ZNF407: variants seen among roughly 807,000 people sequenced by gnomAD.
ZNF407 encodes zinc finger protein 407.
Under a neutral mutation model 131.2 loss-of-function variants are expected in ZNF407, and 17 were observed. The ratio of observed to expected loss-of-function variants is 0.13; its 90% confidence interval spans 0.09 to 0.19. The LOEUF is 0.19. Ranked by LOEUF, ZNF407 falls within the 10% of genes least tolerant of loss-of-function variation. The probability of loss-of-function intolerance (pLI) is 1.00; values close to 1 mark genes in which losing one functional copy is unlikely to be tolerated. For missense variants in ZNF407, 2,681 were observed against 2,830.6 expected (o/e 0.95, Z 1.20); for synonymous variants, 1,156 against 1,062.0 (o/e 1.09, Z -1.72).
Position 74,881,037 on chromosome 18 carries a change from C to T in ZNF407, c.5046C>T (p.Gly1682=), listed in dbSNP as rs761133500. The change falls in exon 6 of 9, where the codon GGC becomes GGT. Residue 1682 remains glycine (G), a splice_region_variant and synonymous_variant. Coordinates refer to ENST00000299687, the MANE Select transcript of ZNF407 (RefSeq NM_017757.3). The part of the protein sequence containing the change: ...AMKDHYRTHT[G]EKSFLCDLCG... ...CTCATCTGTTTGTTGTTGCAACAGG[C>T]GAGAAGTCGTTTCTGTGTGACCTCT... 27 of 1,587,870 alleles carry T rather than the reference C, an allele frequency of 1.7e-5. No individual in the cohort carries two copies. The highest frequency in any genetic ancestry group is 1.3e-4 in the South Asian group (11 of 87,350).
At chr18:74,872,710 C>T (rs1366198576) in intron 4 of ZNF407, among the ~76,000 whole-genome samples, 5 of 145,830 alleles carry the variant, frequency 3.4e-5, no homozygotes, top group Admixed American at 1.4e-4. Flanking sequence ...GAGCTGAGAT[C>T]GGGCCACTCT....
intron 3 of ZNF407, among the ~76,000 whole-genome samples, chr18:74,672,678 A>T (rs974846903): frequency 1.3e-5 from 2 of 149,308 alleles, no homozygotes; most frequent in Non-Finnish European, 1.5e-5. Context: ...CACTGTTTTT[A>T]TCTGCTCATC....
At chr18:74,827,835 C>T (rs1170341698) in intron 4 of ZNF407, among the ~76,000 whole-genome samples, 1 of 152,204 alleles carries the variant, frequency 6.6e-6, no homozygotes, top group Non-Finnish European at 1.5e-5. Flanking sequence ...CATTAGGTCA[C>T]ACTAATACCA....
Position 75,063,304 on chromosome 18 carries a change from G to C in ZNF407, c.5583G>C (p.Glu1861Asp). The change falls in exon 9 of 9, where the codon GAG (glutamate) becomes GAC (aspartate). Residue 1861 changes from glutamate to aspartate, a missense_variant. This residue lies in a region of ZNF407 where 620 missense variants were observed against 583.1 expected (regional missense o/e 1.06). Transcript: ENST00000299687. The surrounding 1 kb of genome is among the most constrained non-coding windows in gnomAD (Gnocchi z 6.6). ...GCAGGAGGCCAGCGCCGCCCCCTGA[G>C]CAGGTGCAGCAGGTCATCATCTTCC... is the stretch of plus-strand genomic sequence containing the variant. ...RSSRRPAPPP[E>D]QVQQVIIFQG... 1 of 1,613,676 alleles carries C rather than the reference G, an allele frequency of 6.2e-7. No homozygotes were observed.
intron 8 of ZNF407, among the ~76,000 whole-genome samples, chr18:74,997,396 G>C (rs1039777609): frequency 3.3e-5 from 5 of 152,248 alleles, no homozygotes; most frequent in African/African-American, 1.2e-4. Flanking sequence ...TCCTGACAAA[G>C]TTACTGGGCC....
intron 3 of ZNF407, among the ~76,000 whole-genome samples, chr18:74,734,671 TTGTGTGTGTGTGTGTG>T (rs200073035): frequency 2.2e-5 from 3 of 138,880 alleles, no homozygotes; most frequent in African/African-American, 5.5e-5. Context: ...GAGTTTCAAT[TTGTGTGTGTGTGTGTG>T]TGTGTGTGTG....
In ZNF407 at chr18:74,631,830, C is replaced by T. The variant is rs778710668; in HGVS notation, c.811C>T (p.Arg271Cys). The change falls in exon 2 of 9, where the codon CGT becomes TGT. Residue 271 changes from arginine to cysteine, a missense_variant. By Grantham distance (180) the Arg-to-Cys change is radical. Transcript: ENST00000299687. ...TTATCTTGGCAAAACACATCTCCGT[C>T]GTCAGAATCTGGCTGCTCGTGGAGG... The part of the protein sequence containing the change: ...AHYLGKTHLR[R>C]QNLAARGGFV... The T allele has an allele frequency of 2.7e-5, 44 of 1,614,018 alleles. No individual in the cohort carries two copies. The highest frequency in any genetic ancestry group is 1.2e-4 in the South Asian group (11 of 91,078).
At chr18:74,926,467 C>G (rs1260339256) in intron 8 of ZNF407, among the ~76,000 whole-genome samples, 4 of 152,168 alleles carry the variant, frequency 2.6e-5, no homozygotes, top group Non-Finnish European at 5.9e-5. Context: ...GAATAATATA[C>G]TGAAAGAGGG....
At chr18:74,949,528 C>A (rs985072010) in intron 8 of ZNF407, among the ~76,000 whole-genome samples, 2 of 152,156 alleles carry the variant, frequency 1.3e-5, no homozygotes, top group Admixed American at 1.3e-4. Context: ...AAAGCAAAAT[C>A]CCTGTTACTG....
At chr18:74,835,629 G>GGGGTGTGTGT (rs1269272236) in intron 4 of ZNF407, among the ~76,000 whole-genome samples, 1 of 92,144 alleles carries the variant, frequency 1.1e-5, no homozygotes, top group African/African-American at 5.8e-5. Context: ...GACAGAGGGG[G>GGGGTGTGTGT]GTGTGTGTGT....
intron 3 of ZNF407, among the ~76,000 whole-genome samples, chr18:74,641,731 G>T (rs188193274): frequency 6.6e-6 from 1 of 152,246 alleles, no homozygotes; most frequent in African/African-American, 2.4e-5. Flanking sequence ...GTGTTGCATT[G>T]GATAGAAAGT....
intron 3 of ZNF407, among the ~76,000 whole-genome samples, chr18:74,767,350 C>G (rs180924834): frequency 6.6e-6 from 1 of 152,022 alleles, no homozygotes; most frequent in Non-Finnish European, 1.5e-5. Flanking sequence ...GCCAATGTTG[C>G]GGTAATTGAT....
intron 3 of ZNF407, among the ~76,000 whole-genome samples, chr18:74,713,006 T>C (rs1318276923): frequency 6.6e-6 from 1 of 152,216 alleles, no homozygotes; most frequent in Non-Finnish European, 1.5e-5. Flanking sequence ...CATTCCCTTT[T>C]AAGTAGCAAG....
chr18:74,826,788 A>G (rs1005301888), intron 4 of ZNF407, among the ~76,000 whole-genome samples: 19 of 152,182 alleles, frequency 1.2e-4, no homozygotes, highest in Admixed American at 4.6e-4. Context: ...ATGAGGGTTA[A>G]CGTACAGTAA....
At chr18:74,717,971 A>G (rs1221449062) in intron 3 of ZNF407, among the ~76,000 whole-genome samples, 1 of 152,128 alleles carries the variant, frequency 6.6e-6, no homozygotes, top group Non-Finnish European at 1.5e-5. Context: ...GTTAAATTTT[A>G]TTTTAATTTT....
intron 8 of ZNF407, among the ~76,000 whole-genome samples, chr18:74,940,483 A>G (rs1972084559): frequency 6.6e-6 from 1 of 152,050 alleles, no homozygotes; most frequent in South Asian, 2.1e-4. Flanking sequence ...AGCTAGAGGG[A>G]GGGAGACACC....
chr18:74,976,029 A>G (rs1395816899), intron 8 of ZNF407, among the ~76,000 whole-genome samples: 1 of 152,208 alleles, frequency 6.6e-6, no homozygotes, highest in African/African-American at 2.4e-5. Context: ...AATATTTCCC[A>G]TGTAAATGTA....
chr18:74,998,534 G>A (rs992064703), intron 8 of ZNF407, among the ~76,000 whole-genome samples: 2 of 151,762 alleles, frequency 1.3e-5, no homozygotes, highest in Non-Finnish European at 2.9e-5. Context: ...TTCAATTAAC[G>A]AAGGACATGA....
At chr18:74,861,947 GATTA>G (rs888440033) in intron 4 of ZNF407, among the ~76,000 whole-genome samples, 11 of 152,074 alleles carry the variant, frequency 7.2e-5, no homozygotes, top group African/African-American at 2.7e-4. Flanking sequence ...TAGAGTTACA[GATTA>G]ATTCAGTGTT....
Sources: gnomAD v4.1 joint callset for allele counts (sites outside exome capture counted in the v4.1 genomes callset) on GRCh38, gnomAD v4.1.1 for gene constraint, gnomAD v4.1.1 regional missense constraint, Gnocchi (gnomAD v3.1) non-coding constraint, MANE v1.5 for transcripts, NCBI Gene and HGNC (gene_info 2026-07-23, HGNC 2026-07-21) for gene names.